PCDH9: variants seen among roughly 807,000 people sequenced by gnomAD.
PCDH9 encodes the protein protocadherin 9, also known as protocadherin-9.
A neutral mutation model predicts 70.6 loss-of-function variants in PCDH9; 24 were observed. The ratio of observed to expected loss-of-function variants is 0.34; its 90% CI spans 0.25 to 0.48. The LOEUF (loss-of-function observed/expected upper bound fraction) is 0.48, where lower values mean the gene tolerates loss of function less well. Ranked by LOEUF, PCDH9 falls within the 20% of genes least tolerant of loss-of-function variation. PCDH9 has a pLI of 0.99. For synonymous variants in PCDH9, 562 were observed against 558.5 expected, an observed-to-expected ratio of 1.01 and a Z score of -0.09; for missense variants, 1,281 against 1,503.6, an observed-to-expected ratio of 0.85 and a Z score of 2.45.
At chr13:66,855,834 A>T (rs868793762) in intron 3 of PCDH9, among the ~76,000 whole-genome samples, 2 of 152,006 alleles carry the variant, frequency 1.3e-5, no homozygotes, top group South Asian at 4.1e-4. Flanking sequence ...AACATAAAAA[A>T]CTCATATACT....
chr13:66,814,392 A>G (rs2080564641), intron 3 of PCDH9, among the ~76,000 whole-genome samples: 1 of 152,164 alleles, frequency 6.6e-6, no homozygotes, highest in Non-Finnish European at 1.5e-5. Context: ...AGAAAAATGT[A>G]CAGTATCTAA....
At position 66,935,000 on chromosome 13, in the gene PCDH9, G is replaced by GT. The variant is rs1167521601; in HGVS notation, c.3037-31396dup. Among the ~76,000 whole-genome samples the GT allele has an allele frequency of 2.0e-5, 3 of 151,844 alleles. No homozygotes were observed. The East Asian group carries it at 5.9e-4, about 30-fold the overall frequency. On this transcript the variant is annotated intron_variant, in intron 2 of 4. Coordinates refer to ENST00000377865, the MANE Select transcript of PCDH9 (RefSeq NM_203487.3). ...CTCCCAAAGTGCTGGGATTACAGGC[G>GT]TGAGCCACCGCGCCCGGCCGTGTTT...
At chr13:67,021,542 G>A (rs936326825) in intron 2 of PCDH9, among the ~76,000 whole-genome samples, 2 of 152,052 alleles carry the variant, frequency 1.3e-5, no homozygotes, top group Admixed American at 6.6e-5. Flanking sequence ...AATGTGCTCA[G>A]GCTCATGAAG....
chr13:66,623,002 G>C (rs1387886182), intron 4 of PCDH9, among the ~76,000 whole-genome samples: 8 of 152,068 alleles, frequency 5.3e-5, no homozygotes, highest in African/African-American at 1.7e-4. Flanking sequence ...TAACACTCAC[G>C]GTGAAGGTCT....
intron 3 of PCDH9, among the ~76,000 whole-genome samples, chr13:66,663,358 T>C (rs539849850): frequency 6.6e-6 from 1 of 152,280 alleles, no homozygotes; most frequent in East Asian, 1.9e-4. Flanking sequence ...CAAAAAAACC[T>C]GGGCAGAACC....
chr13:66,522,092 T>A (rs1189648703), intron 4 of PCDH9, among the ~76,000 whole-genome samples: 1 of 149,398 alleles, frequency 6.7e-6, no homozygotes, highest in African/African-American at 2.4e-5. Flanking sequence ...ATATATTACA[T>A]AAGGCAGTCA....
At chr13:66,338,382 A>T (rs1199046670) in intron 4 of PCDH9, among the ~76,000 whole-genome samples, 3 of 152,014 alleles carry the variant, frequency 2.0e-5, no homozygotes, top group African/African-American at 7.2e-5. Context: ...ACTTTTTTTG[A>T]TAACTAATAA....
At chr13:66,722,900 G>A (rs1241735633) in intron 3 of PCDH9, among the ~76,000 whole-genome samples, 3 of 151,144 alleles carry the variant, frequency 2.0e-5, no homozygotes, top group Non-Finnish European at 2.9e-5. Flanking sequence ...CCCAGGAGGC[G>A]GAGGTTGCAG....
At chr13:66,534,778 T>C (rs1371898763) in intron 4 of PCDH9, among the ~76,000 whole-genome samples, 2 of 152,166 alleles carry the variant, frequency 1.3e-5, no homozygotes, top group Non-Finnish European at 2.9e-5. Context: ...ATGAATGTAG[T>C]ATACATCAAG....
At chr13:67,041,842 A>AAAG (rs1555300563) in intron 2 of PCDH9, among the ~76,000 whole-genome samples, 2 of 151,790 alleles carry the variant, frequency 1.3e-5, no homozygotes, top group Non-Finnish European at 2.9e-5. Flanking sequence ...AAAAAAAAAA[A>AAAG]AAAAAGAAAA....
At chr13:66,835,245 C>A (rs983758450) in intron 3 of PCDH9, among the ~76,000 whole-genome samples, 2 of 152,146 alleles carry the variant, frequency 1.3e-5, no homozygotes, top group Non-Finnish European at 2.9e-5. Flanking sequence ...TAATTCATGG[C>A]GGTTCCCAGA....
chr13:66,983,448 GA>G (rs888782195), intron 2 of PCDH9, among the ~76,000 whole-genome samples: 9 of 151,776 alleles, frequency 5.9e-5, no homozygotes, highest in East Asian at 5.8e-4. Flanking sequence ...AAGTGAGTGT[GA>G]AAAAAAATAA....
intron 4 of PCDH9, among the ~76,000 whole-genome samples, chr13:66,498,694 G>T (rs534463365): frequency 5.3e-5 from 8 of 152,032 alleles, no homozygotes; most frequent in African/African-American, 1.9e-4. Context: ...AAAATTAAAC[G>T]AATGTTTTAA....
intron 3 of PCDH9, among the ~76,000 whole-genome samples, chr13:66,756,061 C>T (rs1022138414): frequency 1.3e-5 from 2 of 152,142 alleles, no homozygotes; most frequent in Non-Finnish European, 2.9e-5. Flanking sequence ...AGTAAACAAT[C>T]ACATTTCTGA....
intron 2 of PCDH9, among the ~76,000 whole-genome samples, chr13:67,122,689 G>A (rs922362449): frequency 3.3e-5 from 5 of 151,584 alleles, no homozygotes; most frequent in Admixed American, 1.3e-4. Context: ...CAGGGTAATC[G>A]CTTGAACTCG....
At chr13:66,888,709 C>T (rs2082048262) in intron 3 of PCDH9, among the ~76,000 whole-genome samples, 2 of 151,882 alleles carry the variant, frequency 1.3e-5, no homozygotes, top group Admixed American at 1.3e-4. Flanking sequence ...AAAAAGGAGG[C>T]AGAGAACAGG....
intron 2 of PCDH9, among the ~76,000 whole-genome samples, chr13:66,943,071 T>G (rs760359792): frequency 2.6e-5 from 4 of 152,064 alleles, no homozygotes; most frequent in Non-Finnish European, 4.4e-5. Context: ...AATATCATTT[T>G]CTCATACTGT....
chr13:66,944,410 T>G (rs1204463392), intron 2 of PCDH9, among the ~76,000 whole-genome samples: 1 of 152,190 alleles, frequency 6.6e-6, no homozygotes, highest in Non-Finnish European at 1.5e-5. Context: ...ACAAAAAAAC[T>G]GAGTGGTTTG....
At chr13:66,649,950 T>C (rs1269667993) in intron 3 of PCDH9, among the ~76,000 whole-genome samples, 2 of 150,712 alleles carry the variant, frequency 1.3e-5, no homozygotes, top group Admixed American at 6.6e-5. Context: ...AGCCTCATAG[T>C]AACCTCAAAT....
Sources: allele counts gnomAD v4.1 joint callset (sites outside exome capture counted in the v4.1 genomes callset), GRCh38; gene constraint gnomAD v4.1.1; transcripts MANE v1.5; gene names NCBI Gene and HGNC (gene_info 2026-07-23, HGNC 2026-07-21).